The following ASPG variants were observed in gnomAD, a reference collection of about 807,000 sequenced individuals.
ASPG encodes the protein 60 kDa lysophospholipase.
ASPG carries 53 observed loss-of-function variants against 63.2 expected under a neutral mutation model. The ratio of observed to expected loss-of-function variants is 0.84; its 90% CI spans 0.67 to 1.05. ASPG has a LOEUF of 1.05. Among genes scored for constraint, ASPG ranks in the 50% least tolerant of loss-of-function variants. The probability of loss-of-function intolerance (pLI) is 0.00; values close to 1 mark genes in which losing one functional copy is unlikely to be tolerated. For missense variants in ASPG, 741 were observed against 794.4 expected, an observed-to-expected ratio of 0.93 and a Z score of 0.81; for synonymous variants, 370 against 355.0, an observed-to-expected ratio of 1.04 and a Z score of -0.48.
chr14:104,090,555 G>A (rs370563144), intron 1 of ASPG, among the ~76,000 whole-genome samples: 1 of 152,254 alleles, frequency 6.6e-6, no homozygotes, highest in African/African-American at 2.4e-5. Flanking sequence ...ACGCTCTGCG[G>A]GAGGAGCCAC....
intron 1 of ASPG, among the ~76,000 whole-genome samples, chr14:104,090,937 C>T (rs2036347211): frequency 6.6e-6 from 1 of 152,192 alleles, no homozygotes; most frequent in Non-Finnish European, 1.5e-5. Flanking sequence ...GCGATCTTGG[C>T]TCACTGCAAC....
At chr14:104,107,142 G>A (rs781284186) in intron 11 of ASPG, 40 bp from the exon 12 acceptor site, 1 of 1,527,266 alleles carries the variant, frequency 6.5e-7, no homozygotes. Flanking sequence ...GGCCCCGCCT[G>A]GGTCTCCCTC....
At chr14:104,103,736 C>T in intron 7 of ASPG, 61 bp downstream of exon 7, 1 of 1,436,668 alleles carries the variant, frequency 7.0e-7, no homozygotes, top group Non-Finnish European at 9.5e-7. Flanking sequence ...CTGCAGCTCC[C>T]ACGGCCCTCA....
In ASPG at chr14:104,105,380, G is replaced by T. The variant is rs532395480; in HGVS notation, c.1103G>T (p.Arg368Leu). 7.4e-6 allele frequency: 12 copies of T among 1,612,378 alleles called. No homozygotes were observed. Among genetic ancestry groups the T allele is most frequent in the East Asian group, 4.5e-5 (2 of 44,872 alleles). The change falls in exon 10 of 16, where the codon CGC becomes CTC. Residue 368 changes from arginine to leucine, a missense_variant. Coordinates refer to ENST00000551177, the MANE Select transcript of ASPG (RefSeq NM_001080464.3). Reference sequence around the variant, plus strand: ...ATGACGCCACCCTCGGTGGAAGAGCGCCGGCCCTCACTGCAGGGCAACACG... The same window carrying T: ...ATGACGCCACCCTCGGTGGAAGAGCTCCGGCCCTCACTGCAGGGCAACACG... ...GEMTPPSVEE[R>L]RPSLQGNTLG...
intron 1 of ASPG, among the ~76,000 whole-genome samples, chr14:104,086,125 G>C (rs969566507): frequency 2.6e-5 from 4 of 152,180 alleles, no homozygotes; most frequent in Admixed American, 2.6e-4. Flanking sequence ...CTGCCGCTGC[G>C]CCCCTGAGGG....
chr14:104,099,956 G>A (rs1356555048), intron 6 of ASPG, among the ~76,000 whole-genome samples: 3 of 152,202 alleles, frequency 2.0e-5, no homozygotes, highest in Admixed American at 1.3e-4. Flanking sequence ...CGGGTGGGGT[G>A]GAGGCGCCCC....
Position 104,112,677 on chromosome 14 carries a change from C to T in ASPG, c.*133C>T. On this transcript the variant is annotated 3_prime_UTR_variant, in exon 16 of 16. Transcript: ENST00000551177. ...GTAAAGCCTGAAGGCCTTTGTTGGG[C>T]AGGACGGCAATAAAGTCTCTGACAT... 3.3e-6 allele frequency: 5 copies of T among 1,532,402 alleles called. No individual in the cohort carries two copies. In the South Asian group the frequency reaches 3.6e-5, roughly 11 times the overall value. 94.9% of individuals were successfully genotyped at this position (1,532,402 alleles called of 1,614,324 possible). A position where few individuals can be genotyped will look rare whatever the true frequency, so the allele number is the denominator to read the frequency against.
chr14:104,102,870 C>T (rs1346201281), intron 6 of ASPG, among the ~76,000 whole-genome samples: 2 of 152,202 alleles, frequency 1.3e-5, no homozygotes, highest in Non-Finnish European at 2.9e-5. Flanking sequence ...CCATCCCTCC[C>T]CACTTCACCT....
intron 1 of ASPG, 77 bp downstream of exon 1, chr14:104,085,929 G>T (rs1201247108): frequency 1.5e-6 from 2 of 1,337,576 alleles, no homozygotes; most frequent in Non-Finnish European, 2.0e-6. Context: ...CTGCACCCAC[G>T]GGGGTCGTTG....
At chr14:104,099,270 C>T (rs552976486) in intron 6 of ASPG, among the ~76,000 whole-genome samples, 4 of 152,320 alleles carry the variant, frequency 2.6e-5, no homozygotes, top group South Asian at 2.1e-4. Flanking sequence ...CCCAACCACT[C>T]GCCCCAGGCC....
rs558539938 is a variant in ASPG, at chr14:104,104,606, C to A, written c.937-16C>A. On this transcript the variant is annotated splice_polypyrimidine_tract_variant and intron_variant, in intron 8 of 15. Transcript: ENST00000551177. ...TGGTGAGTCGCCCTTCCTGCCCACA[C>A]GCCCCCTCCTCACAGGCCATGGCGG... The A allele has an allele frequency of 5.0e-6, 8 of 1,597,644 alleles. No individual in the cohort carries two copies. The African/African-American group carries it at 1.1e-4, about 21-fold the overall frequency.
At position 104,110,221 on chromosome 14, in the gene ASPG, C is replaced by A; in HGVS notation, c.1520+906C>A. 1.0e-6 allele frequency: 1 copy of A among 985,026 alleles called. No individual in the cohort carries two copies. The highest frequency in any genetic ancestry group is 4.7e-5 in the South Asian group (1 of 21,270). 61.0% of individuals were successfully genotyped at this position (985,026 alleles called of 1,614,324 possible). On this transcript the variant is annotated intron_variant, in intron 13 of 15. Transcript: ENST00000551177. This position sits in a 1 kb window ranked among gnomAD's most constrained non-coding sequence, Gnocchi z 4.7. ...GTCTGTGCGCCTGTAAGTCCAGAGTCCCAGGCTTGGGGAGTGGGTGATGGC... is the reference window on the plus strand; with the variant it reads ...GTCTGTGCGCCTGTAAGTCCAGAGTACCAGGCTTGGGGAGTGGGTGATGGC...
intron 6 of ASPG, among the ~76,000 whole-genome samples, chr14:104,099,443 G>T (rs1235647067): frequency 6.6e-6 from 1 of 152,176 alleles, no homozygotes; most frequent in Admixed American, 6.5e-5. Flanking sequence ...CTTCCCCCTG[G>T]GGGGGCCAAG....
chr14:104,090,756 G>C (rs550790048), intron 1 of ASPG, among the ~76,000 whole-genome samples: 2 of 152,240 alleles, frequency 1.3e-5, no homozygotes, highest in Non-Finnish European at 2.9e-5. Flanking sequence ...GGATTGTCCA[G>C]GGCCACCTCC....
intron 10 of ASPG, among the ~76,000 whole-genome samples, chr14:104,106,405 C>T (rs796728150): frequency 7.2e-5 from 11 of 152,290 alleles, no homozygotes; most frequent in Admixed American, 2.6e-4. Context: ...GGAACAGGGC[C>T]TTCCTTCCAG....
intron 15 of ASPG, 72 bp downstream of exon 15, chr14:104,112,072 G>A (rs1043161411): frequency 7.1e-7 from 1 of 1,417,656 alleles, no homozygotes; most frequent in Admixed American, 2.1e-5. Context: ...CCTGGCTCGG[G>A]GGGGCGTAAT....
intron 1 of ASPG, among the ~76,000 whole-genome samples, chr14:104,089,969 A>AAAG (rs2036321269): frequency 1.3e-5 from 2 of 151,332 alleles, no homozygotes; most frequent in East Asian, 3.9e-4. Flanking sequence ...AAAAAAAAAA[A>AAAG]AAAAAGGAAG....
At chr14:104,097,488 G>A in intron 4 of ASPG, 66 bp from the exon 5 acceptor site, 1 of 1,464,564 alleles carries the variant, frequency 6.8e-7, no homozygotes, top group South Asian at 1.3e-5. Flanking sequence ...TACCTGGAGA[G>A]ATGAGCCAGA....
At chr14:104,095,056 C>G (rs2036536085) in intron 3 of ASPG, among the ~76,000 whole-genome samples, 1 of 152,184 alleles carries the variant, frequency 6.6e-6, no homozygotes, top group Non-Finnish European at 1.5e-5. Flanking sequence ...TCCTGCCCGG[C>G]CGCCCAGGTC....
Sources: gnomAD v4.1 joint callset for allele counts (sites outside exome capture counted in the v4.1 genomes callset) on GRCh38, gnomAD v4.1.1 for gene constraint, Gnocchi (gnomAD v3.1) non-coding constraint, MANE v1.5 for transcripts, NCBI Gene and HGNC (gene_info 2026-07-23, HGNC 2026-07-21) for gene names.